The following RPS6KC1 variants were observed in gnomAD, a reference collection of about 807,000 sequenced individuals.
The protein encoded by RPS6KC1 is ribosomal protein S6 kinase C1, also known as inactive ribosomal protein S6 kinase delta-1.
RPS6KC1 carries 54 observed loss-of-function variants against 103.8 expected under a neutral mutation model. The ratio of observed to expected loss-of-function variants is 0.52; its 90% CI spans 0.42 to 0.65. RPS6KC1 has a LOEUF of 0.65. Ranked by LOEUF, RPS6KC1 falls within the 30% of genes least tolerant of loss-of-function variation. The pLI, the probability that RPS6KC1 is intolerant of heterozygous loss-of-function variation, is 0.00. For synonymous variants in RPS6KC1, 439 were observed against 438.7 expected (o/e 1.00, Z -0.01); for missense variants, 1,151 against 1,253.8 (o/e 0.92, Z 1.24).
At chr1:213,651,175 G>A in the RPS6KC1 span, among the ~76,000 whole-genome samples, 1 of 152,168 alleles carries the variant, frequency 6.6e-6, no homozygotes, top group Non-Finnish European at 1.5e-5. Flanking sequence ...CTTATTGCAA[G>A]GCTGGCCATG....
rs760590244 is a variant in RPS6KC1, at chr1:213,051,357, C to T, written c.-48C>T. ...CCTGGACCGCGGCGGCGCCGGGTTT[C>T]CCTCATGATCCCGGGCGGGTGGCGG... On this transcript the variant is annotated 5_prime_UTR_variant, in exon 1 of 15. Coordinates refer to ENST00000366960, the MANE Select transcript of RPS6KC1 (RefSeq NM_012424.6). 1.0e-5 allele frequency: 15 copies of T among 1,462,724 alleles called. No individual in the cohort carries two copies. In the Admixed American group the frequency reaches 1.2e-4, roughly 12 times the overall value. 90.6% of individuals were successfully genotyped at this position (1,462,724 alleles called of 1,614,324 possible).
the RPS6KC1 span, among the ~76,000 whole-genome samples, chr1:213,472,647 G>A: frequency 6.6e-6 from 1 of 152,162 alleles, no homozygotes; most frequent in Non-Finnish European, 1.5e-5. Flanking sequence ...ACCATCAAAT[G>A]TTGACAGTTT....
the RPS6KC1 span, among the ~76,000 whole-genome samples, chr1:213,299,333 T>C: frequency 1.3e-5 from 2 of 152,098 alleles, no homozygotes; most frequent in Non-Finnish European, 2.9e-5. Flanking sequence ...GTGGATCACA[T>C]CTGAGGTCAG....
the RPS6KC1 span, among the ~76,000 whole-genome samples, chr1:213,630,861 G>T: frequency 9.8e-5 from 15 of 152,292 alleles, no homozygotes; most frequent in Admixed American, 9.8e-4. Flanking sequence ...TGTTTTCCTG[G>T]GTATAAGCAG....
At chr1:213,439,374 C>T in the RPS6KC1 span, among the ~76,000 whole-genome samples, 2 of 151,396 alleles carry the variant, frequency 1.3e-5, no homozygotes, top group Admixed American at 1.3e-4. Flanking sequence ...GCAACTCATC[C>T]ATAGTTAAAT....
At chr1:213,190,657 A>G (rs769562170) in intron 8 of RPS6KC1, among the ~76,000 whole-genome samples, 6 of 152,084 alleles carry the variant, frequency 3.9e-5, no homozygotes, top group Admixed American at 1.3e-4. Context: ...TTTGCTTGAT[A>G]TGATCCTATT....
In RPS6KC1 at chr1:213,217,936, G is replaced by A. The variant is rs543290877; in HGVS notation, c.1045-12561G>A. ...ATATCATACTGAATGGGCAAAACCT[G>A]GAAGCATTCCCTTTGAAAACTGGCA... On this transcript the variant is annotated intron_variant, in intron 8 of 14. Coordinates refer to ENST00000366960, the MANE Select transcript of RPS6KC1 (RefSeq NM_012424.6). Among the ~76,000 whole-genome samples the A allele has an allele frequency of 5.2e-4, 79 of 152,236 alleles. 1 individual carries two copies. In the South Asian group the frequency reaches 0.015, roughly 29 times the overall value.
intron 6 of RPS6KC1, among the ~76,000 whole-genome samples, chr1:213,142,667 G>A (rs1341190033): frequency 2.6e-5 from 4 of 152,020 alleles, no homozygotes; most frequent in Non-Finnish European, 5.9e-5. Flanking sequence ...GGTAGATGGC[G>A]ATTAAGCAAC....
chr1:213,057,752 C>CTTTTTT (rs869259657), intron 1 of RPS6KC1, among the ~76,000 whole-genome samples: 25 of 73,696 alleles, frequency 3.4e-4, no homozygotes, highest in Admixed American at 1.5e-3. Context: ...TCTGAAGTAT[C>CTTTTTT]TTTTTTTTTT....
chr1:213,070,659 A>G (rs2078783488), intron 1 of RPS6KC1, among the ~76,000 whole-genome samples: 1 of 152,238 alleles, frequency 6.6e-6, no homozygotes, highest in African/African-American at 2.4e-5. Flanking sequence ...CACTGTTTGA[A>G]CAGTTGGCTC....
chr1:213,171,387 G>A (rs1558470801), intron 7 of RPS6KC1, among the ~76,000 whole-genome samples: 1 of 150,762 alleles, frequency 6.6e-6, no homozygotes, highest in Non-Finnish European at 1.5e-5. Flanking sequence ...AGACAACGTT[G>A]AATGATTTAA....
intron 7 of RPS6KC1, among the ~76,000 whole-genome samples, chr1:213,174,062 T>G (rs1199206561): frequency 2.0e-5 from 3 of 152,226 alleles, no homozygotes. Context: ...TTTCCCTCCT[T>G]ATGACTTTTC....
At chr1:213,639,197 C>G in the RPS6KC1 span, among the ~76,000 whole-genome samples, 2 of 152,048 alleles carry the variant, frequency 1.3e-5, no homozygotes, top group Non-Finnish European at 2.9e-5. Flanking sequence ...GACATTGTAT[C>G]CTATAACCTT....
rs570161452 is a variant in RPS6KC1, at chr1:213,261,710, C to G, written c.2994+70C>G. On this transcript the variant is annotated intron_variant, in intron 13 of 14. Coordinates refer to ENST00000366960, the MANE Select transcript of RPS6KC1 (RefSeq NM_012424.6). Reference sequence around the variant, plus strand: ...CTTGATTTCAAATTAAGAACATTAGCCTTCACCCTTAGTTTTTAAATCAGG... The same window carrying G: ...CTTGATTTCAAATTAAGAACATTAGGCTTCACCCTTAGTTTTTAAATCAGG... The G allele has an allele frequency of 2.3e-6, 3 of 1,316,170 alleles. No individual in the cohort carries two copies. In the South Asian group the frequency reaches 3.7e-5, roughly 16 times the overall value. 81.5% of individuals were successfully genotyped at this position (1,316,170 alleles called of 1,614,324 possible). A position where few individuals can be genotyped will look rare whatever the true frequency, so the allele number is the denominator to read the frequency against.
the RPS6KC1 span, among the ~76,000 whole-genome samples, chr1:213,454,414 C>T: frequency 6.6e-6 from 1 of 152,148 alleles, no homozygotes; most frequent in Non-Finnish European, 1.5e-5. Flanking sequence ...AGGGAGTTAA[C>T]CTCATGCAAT....
In RPS6KC1 at chr1:213,139,679, TAAA is replaced by T. The variant is rs368874862; in HGVS notation, c.835+9791_835+9793del. Among the ~76,000 whole-genome samples the T allele has an allele frequency of 1.4e-4, 22 of 151,998 alleles. 1 individual carries two copies. The South Asian group carries it at 4.6e-3, about 32-fold the overall frequency. ...TGTTCTGGGTTCCATAACCTAGAAATAAAGAAGGGTTTCATTGGTCTGTGTGTC... is the reference window on the plus strand; with the variant it reads ...TGTTCTGGGTTCCATAACCTAGAAATGAAGGGTTTCATTGGTCTGTGTGTC... On this transcript the variant is annotated intron_variant, in intron 6 of 14. Coordinates refer to ENST00000366960, the MANE Select transcript of RPS6KC1 (RefSeq NM_012424.6).
chr1:213,708,828 G>T, the RPS6KC1 span, among the ~76,000 whole-genome samples: 18 of 152,216 alleles, frequency 1.2e-4, no homozygotes, highest in Admixed American at 1.1e-3. Context: ...TTTGTCATTG[G>T]TTCTGTTTAT....
At chr1:213,188,644 T>C (rs1479311143) in intron 8 of RPS6KC1, among the ~76,000 whole-genome samples, 1 of 152,088 alleles carries the variant, frequency 6.6e-6, no homozygotes, top group Non-Finnish European at 1.5e-5. Flanking sequence ...TATAATAATA[T>C]TGAATTACTA....
chr1:213,696,443 G>C, the RPS6KC1 span, among the ~76,000 whole-genome samples: 1 of 150,782 alleles, frequency 6.6e-6, no homozygotes, highest in Non-Finnish European at 1.5e-5. Context: ...CGGAGACTGC[G>C]GTGAGCCGAG....
Sources: allele counts gnomAD v4.1 joint callset (sites outside exome capture counted in the v4.1 genomes callset), GRCh38; gene constraint gnomAD v4.1.1; transcripts MANE v1.5; gene names NCBI Gene and HGNC (gene_info 2026-07-23, HGNC 2026-07-21).